Variants in PTPRT observed in about 807,000 individuals in gnomAD.
The protein encoded by PTPRT is receptor-type tyrosine-protein phosphatase T.
PTPRT carries 56 observed loss-of-function variants against 176.8 expected under a neutral mutation model. That is an observed-to-expected ratio of 0.32 (90% CI 0.26 to 0.40). PTPRT has a LOEUF of 0.40. PTPRT is among the 10% of genes least tolerant of loss of function. The probability of loss-of-function intolerance (pLI) is 1.00; values close to 1 mark genes in which losing one functional copy is unlikely to be tolerated. For synonymous variants in PTPRT, 783 were observed against 739.0 expected (o/e 1.06, Z -0.96); for missense variants, 1,540 against 1,908.2 (o/e 0.81, Z 3.60).
Position 42,643,743 on chromosome 20 carries a change from T to C in PTPRT, c.1153+34123A>G, listed in dbSNP as rs190534781. Among the ~76,000 whole-genome samples the C allele has an allele frequency of 3.1e-3, 475 of 152,236 alleles. 11 individuals carry two copies. Among genetic ancestry groups the C allele is most frequent in the African/African-American group, 0.011 (458 of 41,484 alleles). On this transcript the variant is annotated intron_variant, in intron 7 of 30. Coordinates refer to ENST00000373187, the MANE Select transcript of PTPRT (RefSeq NM_007050.6). ...TTCAGAGCCTCCGCCACAACCACTA[T>C]GCATTGCTTTGTGCACACTATAAGA... is the stretch of plus-strand genomic sequence containing the variant.
rs116530908 is a variant in PTPRT, at chr20:42,793,743, G to A, written c.215-2277C>T. On this transcript the variant is annotated intron_variant, in intron 2 of 30. Coordinates refer to ENST00000373187, the MANE Select transcript of PTPRT (RefSeq NM_007050.6). ...GGCAGAAATTGAGGCTTAGAGATGA[G>A]ACCGAGCCTGCATCCATGCCCATAT... 2.6e-3 allele frequency among the ~76,000 whole-genome samples: 403 copies of A among 152,258 alleles called. 1 individual carries two copies. The highest frequency in any genetic ancestry group is 9.4e-3 in the African/African-American group (390 of 41,552).
intron 11 of PTPRT, among the ~76,000 whole-genome samples, chr20:42,336,747 A>G (rs758798353): frequency 2.0e-5 from 3 of 152,236 alleles, no homozygotes; most frequent in Non-Finnish European, 4.4e-5. Flanking sequence ...AACCATATGG[A>G]AATAGCTAAG....
chr20:42,713,466 C>G (rs1381189068), intron 6 of PTPRT, among the ~76,000 whole-genome samples: 1 of 152,174 alleles, frequency 6.6e-6, no homozygotes, highest in East Asian at 1.9e-4. Context: ...CAAAATTTTT[C>G]TCTTCTCTAT....
chr20:42,511,942 A>G (rs572162545), intron 7 of PTPRT, among the ~76,000 whole-genome samples: 3 of 152,112 alleles, frequency 2.0e-5, no homozygotes, highest in African/African-American at 4.8e-5. Context: ...TACATCATGA[A>G]TGAACAAGGA....
At chr20:42,052,795 C>G in the PTPRT span, among the ~76,000 whole-genome samples, 2 of 152,136 alleles carry the variant, frequency 1.3e-5, no homozygotes, top group Non-Finnish European at 2.9e-5. Context: ...CAGGCTGGAG[C>G]TCCCTTGCTT....
intron 1 of PTPRT, among the ~76,000 whole-genome samples, chr20:43,075,130 G>C (rs1307497175): frequency 6.6e-6 from 1 of 152,220 alleles, no homozygotes; most frequent in African/African-American, 2.4e-5. Flanking sequence ...GCACTAAACA[G>C]CAGAGATGTA....
intron 6 of PTPRT, among the ~76,000 whole-genome samples, chr20:42,735,735 G>A (rs1227309490): frequency 1.3e-5 from 2 of 151,732 alleles, no homozygotes; most frequent in Non-Finnish European, 2.9e-5. Context: ...GTCTCCCAAG[G>A]ACATGGCTGG....
rs185860645 is a variant in PTPRT, at chr20:43,128,046, G to A, written c.88+61600C>T. Among the ~76,000 whole-genome samples, 41 of 152,318 alleles carry A rather than the reference G, an allele frequency of 2.7e-4. 1 individual carries two copies. The East Asian group carries it at 3.1e-3, about 11-fold the overall frequency. The stretch of plus-strand genomic sequence containing the variant: ...AAAAAGCTACTCTTTCCATAGTAGC[G>A]GTTATGGCTTTGATTGGAGTGATAC... On this transcript the variant is annotated intron_variant, in intron 1 of 30. Coordinates refer to ENST00000373187, the MANE Select transcript of PTPRT (RefSeq NM_007050.6).
chr20:42,526,322 T>G (rs2072267306), intron 7 of PTPRT, among the ~76,000 whole-genome samples: 1 of 152,180 alleles, frequency 6.6e-6, no homozygotes, highest in Non-Finnish European at 1.5e-5. Context: ...CTCTAATGCT[T>G]TCTAACGTTT....
chr20:42,378,059 T>C (rs1165051848), intron 9 of PTPRT, among the ~76,000 whole-genome samples: 1 of 152,214 alleles, frequency 6.6e-6, no homozygotes, highest in African/African-American at 2.4e-5. Context: ...ACAGATGTGG[T>C]ACATCTCACT....
intron 15 of PTPRT, 49 bp downstream of exon 15, chr20:42,236,180 G>A: frequency 1.3e-6 from 2 of 1,496,752 alleles, no homozygotes; most frequent in Non-Finnish European, 1.9e-6. Flanking sequence ...GCATGCTACA[G>A]GTTCCCTTAC....
intron 1 of PTPRT, among the ~76,000 whole-genome samples, chr20:43,014,193 C>A (rs1049401814): frequency 6.6e-6 from 1 of 152,176 alleles, no homozygotes; most frequent in East Asian, 1.9e-4. Context: ...CCACATGGCA[C>A]TTCCCTGACA....
chr20:42,128,800 A>G lies in PTPRT; in HGVS notation c.2801T>C (p.Leu934Pro). The stretch of plus-strand genomic sequence containing the variant: ...GTAGTCAGAGTGCGGGTCTCCATCC[A>G]GCACCAGCAGCCTCACCCGGGAATG... Reference protein sequence around the residue: ...YDHSRVRLLVLDGDPHSDYIN... With the variant: ...YDHSRVRLLVPDGDPHSDYIN... The change falls in exon 19 of 31, where the codon CTG becomes CCG. Residue 934 changes from leucine to proline, a missense_variant. This residue lies in a region of PTPRT where 248 missense variants were observed against 356.7 expected (regional missense o/e 0.70). Coordinates refer to ENST00000373187, the MANE Select transcript of PTPRT (RefSeq NM_007050.6). 3 of 1,607,644 alleles carry G rather than the reference A, an allele frequency of 1.9e-6. No homozygotes were observed. Among genetic ancestry groups the G allele is most frequent in the Non-Finnish European group, 2.6e-6 (3 of 1,176,448 alleles).
chr20:42,326,240 G>A (rs1034280353), intron 11 of PTPRT, among the ~76,000 whole-genome samples: 1 of 152,192 alleles, frequency 6.6e-6, no homozygotes, highest in Non-Finnish European at 1.5e-5. Context: ...CTAAAGCAAG[G>A]TGGAGGTTTT....
intron 9 of PTPRT, among the ~76,000 whole-genome samples, chr20:42,440,952 G>A (rs1054673803): frequency 6.6e-6 from 1 of 152,182 alleles, no homozygotes; most frequent in Non-Finnish European, 1.5e-5. Flanking sequence ...ATGGGATGAA[G>A]CTCCCCTATG....
intron 3 of PTPRT, among the ~76,000 whole-genome samples, chr20:42,786,918 A>G (rs907126750): frequency 6.6e-6 from 1 of 152,214 alleles, no homozygotes; most frequent in African/African-American, 2.4e-5. Context: ...AACTCTGGAC[A>G]TCATCAGCTT....
chr20:42,680,228 T>C (rs934184536), intron 6 of PTPRT, among the ~76,000 whole-genome samples: 3 of 152,144 alleles, frequency 2.0e-5, no homozygotes, highest in Non-Finnish European at 4.4e-5. Flanking sequence ...GGGTGGACAA[T>C]ATTTTCTCAG....
At chr20:42,363,296 A>G (rs1215632328) in intron 9 of PTPRT, among the ~76,000 whole-genome samples, 2 of 22,744 alleles carry the variant, frequency 8.8e-5, no homozygotes, top group African/African-American at 2.1e-4. Context: ...ATATATATAT[A>G]TATATTTTTT....
At chr20:42,748,534 C>G (rs1469778877) in intron 6 of PTPRT, among the ~76,000 whole-genome samples, 1 of 152,150 alleles carries the variant, frequency 6.6e-6, no homozygotes, top group Admixed American at 6.5e-5. Flanking sequence ...AGGCAGGAGC[C>G]AGCAGCCTTG....
Sources: allele counts gnomAD v4.1 joint callset (sites outside exome capture counted in the v4.1 genomes callset), GRCh38; gene constraint gnomAD v4.1.1; regional missense constraint gnomAD v4.1.1; transcripts MANE v1.5; gene names NCBI Gene and HGNC (gene_info 2026-07-23, HGNC 2026-07-21).